The following GPC3 variants were observed in gnomAD, a reference collection of about 807,000 sequenced individuals.
The protein encoded by GPC3 is glypican 3.
A neutral mutation model predicts 34.4 loss-of-function variants in GPC3; 3 were observed. The ratio of observed to expected loss-of-function variants is 0.09; its 90% CI spans 0.04 to 0.23. The LOEUF is 0.23. GPC3 is among the 10% of genes least tolerant of loss of function. The pLI is 1.00. For synonymous variants in GPC3, 177 were observed against 174.0 expected (o/e 1.02, Z -0.13); for missense variants, 351 against 445.6 (o/e 0.79, Z 1.91).
chrX:133,981,187 A>T (rs1268941337), intron 1 of GPC3, among the ~76,000 whole-genome samples: 1 of 111,818 alleles, frequency 8.9e-6, no homozygotes, highest in African/African-American at 3.3e-5. Flanking sequence ...TATTGTGACC[A>T]TTTCAGCCAA....
At chrX:133,984,278 C>G (rs1345425283) in intron 1 of GPC3, among the ~76,000 whole-genome samples, 1 of 113,470 alleles carries the variant, frequency 8.8e-6, no homozygotes, top group Non-Finnish European at 1.9e-5. Context: ...TCAGTGCACC[C>G]CTGACAAATT....
intron 2 of GPC3, among the ~76,000 whole-genome samples, chrX:133,920,650 T>C (rs1202891779): frequency 8.9e-6 from 1 of 111,800 alleles, no homozygotes; most frequent in Admixed American, 9.5e-5. Flanking sequence ...ATAGTAGAAA[T>C]ATGCTAATCC....
At chrX:133,560,789 C>T (rs996029077) in intron 7 of GPC3, among the ~76,000 whole-genome samples, 1 of 109,905 alleles carries the variant, frequency 9.1e-6, no homozygotes, top group Non-Finnish European at 1.9e-5. Context: ...TCACATTGTA[C>T]TCCACAAATA....
chrX:133,655,009 C>T (rs999407563), intron 6 of GPC3, among the ~76,000 whole-genome samples: 1 of 111,684 alleles, frequency 9.0e-6, no homozygotes, highest in Non-Finnish European at 1.9e-5. Context: ...ATACCAACAA[C>T]ATTTTGGCTC....
At chrX:133,780,283 T>C (rs1271741049) in intron 2 of GPC3, among the ~76,000 whole-genome samples, 1 of 112,072 alleles carries the variant, frequency 8.9e-6, no homozygotes, top group Non-Finnish European at 1.9e-5. Context: ...TTTTAAGTTA[T>C]ATTAAATTTT....
In GPC3 at chrX:133,692,455, A is replaced by G. The variant is rs762332788; in HGVS notation, c.1206T>C (p.Tyr402=). ...TGCAGATGTAGCCAGGCAAAGCACT[A>G]TAGAAGCTGATGAAAGACTTCAACT... ...IQKLKSFISF[Y]SALPGYICSH... is the part of the protein sequence containing the mutation. Residue 402 remains tyrosine, a synonymous_variant, in exon 5 of 8, where the codon TAT becomes TAC. Transcript: ENST00000370818. The G allele has an allele frequency of 2.5e-6, 3 of 1,203,959 alleles. No homozygotes were observed. The highest frequency in any genetic ancestry group is 3.5e-5 in the African/African-American group (2 of 57,389).
intron 3 of GPC3, among the ~76,000 whole-genome samples, chrX:133,720,546 C>T (rs1052504566): frequency 6.2e-5 from 7 of 112,112 alleles, no homozygotes; most frequent in African/African-American, 1.9e-4. Flanking sequence ...GCTTCTCCAG[C>T]CACATGGAAC....
At chrX:133,652,219 A>T (rs1179920395) in intron 6 of GPC3, among the ~76,000 whole-genome samples, 1 of 112,181 alleles carries the variant, frequency 8.9e-6, no homozygotes, top group Non-Finnish European at 1.9e-5. Flanking sequence ...AATAACAGTG[A>T]TACCATGATA....
In GPC3 at chrX:133,671,243, C is replaced by A. The variant is rs949548951; in HGVS notation, c.1293-9393G>T. The stretch of plus-strand genomic sequence containing the variant: ...CCTGGATTATGCAAAGAAAAATGAA[C>A]CCAAACATAGACTTGCAAGACATGG... On this transcript the variant is annotated intron_variant, in intron 5 of 7. Coordinates refer to ENST00000370818, the MANE Select transcript of GPC3 (RefSeq NM_004484.4). The A allele has an allele frequency of 3.5e-4, 397 of 1,124,743 alleles. No homozygotes were observed. In the African/African-American group the frequency reaches 6.1e-3, roughly 17 times the overall value. 92.7% of individuals were successfully genotyped at this position (1,124,743 alleles called of 1,213,427 possible).
intron 2 of GPC3, among the ~76,000 whole-genome samples, chrX:133,947,783 G>C (rs1238602052): frequency 8.9e-6 from 1 of 111,803 alleles, no homozygotes; most frequent in African/African-American, 3.2e-5. Flanking sequence ...CAGATGAGCG[G>C]TTTGATTAAT....
intron 2 of GPC3, among the ~76,000 whole-genome samples, chrX:133,830,830 A>T (rs1422177296): frequency 9.1e-6 from 1 of 110,407 alleles, no homozygotes; most frequent in East Asian, 2.8e-4. Flanking sequence ...ACTTCATCAC[A>T]ATTAAAAACT....
At chrX:133,884,258 G>A (rs1453077022) in intron 2 of GPC3, among the ~76,000 whole-genome samples, 1 of 111,767 alleles carries the variant, frequency 8.9e-6, no homozygotes, top group Non-Finnish European at 1.9e-5. Context: ...GGTGAGTCAA[G>A]AATTCTCCGT....
chrX:133,878,674 T>A (rs370134845), intron 2 of GPC3, among the ~76,000 whole-genome samples: 16 of 111,907 alleles, frequency 1.4e-4, no homozygotes, highest in African/African-American at 5.2e-4. Context: ...CAGAGCCTGC[T>A]GCAAACTTCT....
chrX:133,653,513 C>T (rs1483727722), intron 6 of GPC3, among the ~76,000 whole-genome samples: 1 of 111,010 alleles, frequency 9.0e-6, no homozygotes, highest in Non-Finnish European at 1.9e-5. Context: ...GATGACTGAC[C>T]CTGAATGAGA....
intron 2 of GPC3, among the ~76,000 whole-genome samples, chrX:133,877,907 A>G (rs1458866197): frequency 9.0e-6 from 1 of 111,530 alleles, no homozygotes; most frequent in East Asian, 2.8e-4. Flanking sequence ...AAATACACCA[A>G]CATATTAACC....
chrX:133,599,409 T>A (rs1055756954), intron 6 of GPC3, among the ~76,000 whole-genome samples: 1 of 112,208 alleles, frequency 8.9e-6, no homozygotes, highest in African/African-American at 3.2e-5. Flanking sequence ...TTGGCTTAAT[T>A]CATCCTGTGG....
chrX:133,597,113 G>T (rs2069926736), intron 6 of GPC3, among the ~76,000 whole-genome samples: 1 of 111,986 alleles, frequency 8.9e-6, no homozygotes, highest in Admixed American at 9.5e-5. Context: ...CATTATATAT[G>T]CCTTGATCAC....
intron 2 of GPC3, among the ~76,000 whole-genome samples, chrX:133,839,877 G>A (rs2075816070): frequency 1.0e-5 from 1 of 98,120 alleles, no homozygotes; most frequent in African/African-American, 4.0e-5. Flanking sequence ...GCAGTGAGCC[G>A]AGATCACGCC....
At chrX:133,656,125 C>T (rs956511709) in intron 6 of GPC3, among the ~76,000 whole-genome samples, 3 of 111,993 alleles carry the variant, frequency 2.7e-5, no homozygotes, top group African/African-American at 9.7e-5. Context: ...CACAAAGTTC[C>T]TCTGTTTCCA....
Sources: allele counts gnomAD v4.1 joint callset (sites outside exome capture counted in the v4.1 genomes callset), GRCh38; gene constraint gnomAD v4.1.1; transcripts MANE v1.5; gene names NCBI Gene and HGNC (gene_info 2026-07-23, HGNC 2026-07-21).